The following ZMYND11 variants were observed in gnomAD, a reference collection of about 807,000 sequenced individuals.
The protein encoded by ZMYND11 is zinc finger MYND domain-containing protein 11.
ZMYND11 carries 9 observed loss-of-function variants against 84.9 expected under a neutral mutation model. The observed-to-expected ratio is 0.11, with a 90% CI of 0.06 to 0.18. ZMYND11 has a LOEUF of 0.18. Ranked by LOEUF, ZMYND11 falls within the 10% of genes least tolerant of loss-of-function variation. ZMYND11 has a pLI of 1.00. For missense variants in ZMYND11, 409 were observed against 761.0 expected (o/e 0.54, Z 5.44); for synonymous variants, 250 against 244.1 (o/e 1.02, Z -0.23).
rs191140278 is a variant in ZMYND11, at chr10:144,154, T to A, written c.-20+8595T>A. On this transcript the variant is annotated intron_variant, in intron 1 of 14. Transcript: ENST00000381604. ...AGCAGTACAATTTAAAGTTAGACTT[T>A]CTCTCTGCTCATGCTGAGGAAAAAT... is the stretch of plus-strand genomic sequence containing the variant. 3.2e-3 allele frequency among the ~76,000 whole-genome samples: 495 copies of A among 152,322 alleles called. 5 individuals are homozygous for A. The highest frequency in any genetic ancestry group is 0.011 in the African/African-American group (450 of 41,562).
chr10:166,237 ATAGT>A (rs1490147871), intron 1 of ZMYND11, among the ~76,000 whole-genome samples: 9 of 152,172 alleles, frequency 5.9e-5, no homozygotes, highest in Admixed American at 4.6e-4. Flanking sequence ...AAAAGAAAAA[ATAGT>A]TAAGTTATAT....
chr10:224,167 GAA>G (rs202005911), intron 4 of ZMYND11, among the ~76,000 whole-genome samples: 2 of 152,204 alleles, frequency 1.3e-5, no homozygotes, highest in South Asian at 2.1e-4. Context: ...TTACAGTGTT[GAA>G]AAAGTCACTG....
chr10:249,216 C>T lies in ZMYND11; in HGVS notation c.1686+128C>T, dbSNP rs1236411875. ...GAAATAAGATCAAATGTGAAATGGT[C>T]AGCTTTAGTTTTAAAAATTTTATTA... On this transcript the variant is annotated intron_variant, in intron 14 of 14. Transcript: ENST00000381604. 1.1e-5 allele frequency: 16 copies of T among 1,500,486 alleles called. No individual in the cohort carries two copies. The East Asian group carries it at 2.2e-4, about 21-fold the overall frequency. 92.9% of individuals were successfully genotyped at this position (1,500,486 alleles called of 1,614,324 possible).
intron 1 of ZMYND11, among the ~76,000 whole-genome samples, chr10:138,625 A>G (rs1836724224): frequency 6.6e-6 from 1 of 152,312 alleles, no homozygotes; most frequent in Admixed American, 6.5e-5. Context: ...AAAAGTATCA[A>G]ATGTTGCTGT....
intron 6 of ZMYND11, among the ~76,000 whole-genome samples, chr10:238,350 A>G (rs1950315708): frequency 6.6e-6 from 1 of 151,266 alleles, no homozygotes; most frequent in Admixed American, 6.6e-5. Context: ...AAATCATCTT[A>G]CAAGTTTCTT....
chr10:156,516 G>A (rs1554759133), intron 1 of ZMYND11, among the ~76,000 whole-genome samples: 1 of 152,074 alleles, frequency 6.6e-6, no homozygotes, highest in South Asian at 2.1e-4. Context: ...ACTCATGGAT[G>A]GTAGATCCTT....
At chr10:159,769 GTGTT>G (rs1218132154) in intron 1 of ZMYND11, among the ~76,000 whole-genome samples, 6 of 152,030 alleles carry the variant, frequency 3.9e-5, no homozygotes, top group Non-Finnish European at 7.4e-5. Context: ...TTGGGGTTTT[GTGTT>G]TGTTTGCTTG....
chr10:242,529 A>C (rs1485970776), intron 10 of ZMYND11, among the ~76,000 whole-genome samples: 1 of 152,222 alleles, frequency 6.6e-6, no homozygotes, highest in Non-Finnish European at 1.5e-5. Context: ...TAAAATCGTC[A>C]ATCTTGTGAT....
intron 2 of ZMYND11, among the ~76,000 whole-genome samples, chr10:206,450 TGAGA>T (rs1473370791): frequency 6.6e-6 from 1 of 152,258 alleles, no homozygotes; most frequent in Non-Finnish European, 1.5e-5. Context: ...TTTTGTGAAC[TGAGA>T]GAATTGAATT....
intron 2 of ZMYND11, among the ~76,000 whole-genome samples, chr10:180,707 C>G (rs1440217219): frequency 6.6e-6 from 1 of 152,140 alleles, no homozygotes. Context: ...GCCAGAGATT[C>G]TTTTATTAAA....
At chr10:198,714 C>G (rs1369991880) in intron 2 of ZMYND11, among the ~76,000 whole-genome samples, 2 of 152,324 alleles carry the variant, frequency 1.3e-5, no homozygotes, top group South Asian at 2.1e-4. Context: ...TTATTACACT[C>G]TAGCCTAGGA....
At chr10:230,200 C>T (rs746335035) in intron 4 of ZMYND11, among the ~76,000 whole-genome samples, 3 of 152,024 alleles carry the variant, frequency 2.0e-5, no homozygotes, top group East Asian at 1.9e-4. Context: ...TCCTACCGAG[C>T]GCGGTAGCTC....
At chr10:155,794 C>A (rs1432225614) in intron 1 of ZMYND11, among the ~76,000 whole-genome samples, 1 of 152,162 alleles carries the variant, frequency 6.6e-6, no homozygotes, top group Non-Finnish European at 1.5e-5. Flanking sequence ...AGGGGAACTT[C>A]CACCCTCTTT....
At chr10:185,344 C>T (rs890632987) in intron 2 of ZMYND11, among the ~76,000 whole-genome samples, 2 of 151,878 alleles carry the variant, frequency 1.3e-5, no homozygotes, top group African/African-American at 2.4e-5. Flanking sequence ...TTCGCATGAC[C>T]TAATTTTGTT....
chr10:213,157 A>G (rs536336833), intron 3 of ZMYND11, among the ~76,000 whole-genome samples: 5 of 152,120 alleles, frequency 3.3e-5, no homozygotes, highest in Non-Finnish European at 7.4e-5. Flanking sequence ...GAACTGTACA[A>G]TTTAGGAAGC....
chr10:165,563 G>A (rs1554763485), intron 1 of ZMYND11, among the ~76,000 whole-genome samples: 1 of 152,050 alleles, frequency 6.6e-6, no homozygotes, highest in East Asian at 1.9e-4. Flanking sequence ...ACTACCTTCT[G>A]CAAACTTAGT....
intron 4 of ZMYND11, among the ~76,000 whole-genome samples, chr10:230,347 C>CCT (rs561958552): frequency 6.5e-4 from 99 of 152,090 alleles, no homozygotes; most frequent in African/African-American, 2.3e-3. Flanking sequence ...CTGGTGCGTG[C>CCT]CTGTAGTCCC....
intron 3 of ZMYND11, among the ~76,000 whole-genome samples, chr10:216,658 A>G (rs1480287774): frequency 6.6e-6 from 1 of 152,178 alleles, no homozygotes; most frequent in Non-Finnish European, 1.5e-5. Flanking sequence ...AATCATTTAT[A>G]CTGTGGTTCT....
At chr10:250,584 T>C (rs1953239712) in intron 14 of ZMYND11, among the ~76,000 whole-genome samples, 1 of 152,230 alleles carries the variant, frequency 6.6e-6, no homozygotes, top group Non-Finnish European at 1.5e-5. Context: ...TACTGTCTTT[T>C]GTAGCACTTT....
Sources: gnomAD v4.1 joint callset for allele counts (sites outside exome capture counted in the v4.1 genomes callset) on GRCh38, gnomAD v4.1.1 for gene constraint, MANE v1.5 for transcripts, NCBI Gene and HGNC (gene_info 2026-07-23, HGNC 2026-07-21) for gene names.